SCARF2: variants seen among roughly 807,000 people sequenced by gnomAD.
SCARF2 encodes the protein scavenger receptor class F member 2.
SCARF2 carries 39 observed loss-of-function variants against 73.4 expected under a neutral mutation model. The ratio of observed to expected loss-of-function variants is 0.53; its 90% CI spans 0.41 to 0.69. SCARF2 has a LOEUF of 0.69. SCARF2 is among the 30% of genes least tolerant of loss of function. The probability of loss-of-function intolerance (pLI) is 0.00; values close to 1 mark genes in which losing one functional copy is unlikely to be tolerated. For synonymous variants in SCARF2, 605 were observed against 590.0 expected, an observed-to-expected ratio of 1.03 and a Z score of -0.37; for missense variants, 1,148 against 1,303.5, an observed-to-expected ratio of 0.88 and a Z score of 1.84.
rs1451959094 is a variant in SCARF2 at position 20,430,360 on chromosome 22, C to G, written c.1202+69G>C. 2.6e-6 allele frequency: 4 copies of G among 1,524,906 alleles called. No individual in the cohort carries two copies. In the African/African-American group the frequency reaches 5.5e-5, roughly 21 times the overall value. The allele number at this position is 1,524,906 out of a possible 1,614,324, so 94.5% of individuals were successfully genotyped here. A position where few individuals can be genotyped will look rare whatever the true frequency, so the allele number is the denominator to read the frequency against. On this transcript the variant is annotated intron_variant, in intron 6 of 10. Coordinates refer to ENST00000622235, the MANE Select transcript of SCARF2 (RefSeq NM_182895.5). ...ACCCAGCTCAGGGTGGAGAGGCCAC[C>G]TCGTCGGCTGGACCCCCCTCTGTGG...
rs2052615314 is a variant in SCARF2 at position 20,429,356 on chromosome 22, C to T, written c.1425-16G>A. ...CGAAAGCTCCCTGCGGGGGCGGGGTCTGAGCGGAGGGGCGGGGCCGGGGCG... is the reference window on the plus strand; with the variant it reads ...CGAAAGCTCCCTGCGGGGGCGGGGTTTGAGCGGAGGGGCGGGGCCGGGGCG... On this transcript the variant is annotated splice_polypyrimidine_tract_variant and intron_variant, in intron 8 of 10. Transcript: ENST00000622235. The surrounding 1 kb of genome is among the most constrained non-coding windows in gnomAD (Gnocchi z 5.2). 3.9e-6 allele frequency: 5 copies of T among 1,290,292 alleles called. No homozygotes were observed. In the East Asian group the frequency reaches 1.5e-4, roughly 37 times the overall value. 79.9% of individuals were successfully genotyped at this position (1,290,292 alleles called of 1,614,324 possible).
rs1050972237 is a variant in SCARF2, at chr22:20,428,956, C to T, written c.1540+269G>A. On this transcript the variant is annotated intron_variant, in intron 9 of 10. Transcript: ENST00000622235. ...TGCGGGACCCAGATGTCCACACACC[C>T]CTGATGCGATCACTCTCAGGGCCAA... 2.6e-5 allele frequency among the ~76,000 whole-genome samples: 4 copies of T among 152,132 alleles called. 1 individual carries two copies. The highest frequency in any genetic ancestry group is 2.0e-4 in the Admixed American group (3 of 15,280).
intron 1 of SCARF2, among the ~76,000 whole-genome samples, 193 bp from the exon 2 acceptor site, chr22:20,432,181 G>T (rs1708892560): frequency 6.6e-6 from 1 of 152,094 alleles, no homozygotes; most frequent in African/African-American, 2.4e-5. Context: ...TCACCGCCAA[G>T]AACTTTCCAG....
intron 10 of SCARF2, among the ~76,000 whole-genome samples, chr22:20,426,919 T>TC (rs1424234269): frequency 6.9e-6 from 1 of 144,402 alleles, no homozygotes; most frequent in East Asian, 2.0e-4. Context: ...AGAGGCAGAC[T>TC]CCGTCTCAAA....
chr22:20,431,838 C>A lies in SCARF2; in HGVS notation c.241G>T (p.Glu81Ter). The change falls in exon 3 of 11, where the codon GAA becomes TAA. Residue 81 changes from glutamate to a stop codon, truncating the protein, a stop_gained. Coordinates refer to ENST00000622235, the MANE Select transcript of SCARF2 (RefSeq NM_182895.5). LOFTEE classifies it high-confidence loss of function. The stretch of plus-strand genomic sequence containing the variant: ...TTCTCTGAGCACGTGGAGTTGCCTT[C>A]GCACACCGCTGTGGACGAGACAGGC... Reference protein sequence around the residue: ...QGDECGIAVCEGNSTCSENEV... With the variant: ...QGDECGIAVC The A allele has an allele frequency of 6.3e-7, 1 of 1,598,200 alleles. No individual in the cohort carries two copies. Among genetic ancestry groups the A allele is most frequent in the Non-Finnish European group, 8.5e-7 (1 of 1,173,494 alleles).
chr22:20,433,278 C>T (rs1601303688), intron 1 of SCARF2, among the ~76,000 whole-genome samples: 1 of 152,154 alleles, frequency 6.6e-6, no homozygotes, highest in Non-Finnish European at 1.5e-5. Flanking sequence ...CCTAGGTTCC[C>T]AGCCGACCCA....
rs1423163365 is a variant in SCARF2, at chr22:20,426,147, C to A, written c.1829G>T (p.Arg610Leu). 1.4e-6 allele frequency: 2 copies of A among 1,468,876 alleles called. No homozygotes were observed. The highest frequency in any genetic ancestry group is 1.8e-6 in the Non-Finnish European group (2 of 1,116,826). The allele number at this position is 1,468,876 out of a possible 1,614,324, so 91.0% of individuals were successfully genotyped here. The change falls in exon 11 of 11, where the codon CGG becomes CTG. Residue 610 changes from arginine (R) to leucine (L), a missense_variant. Around this residue, in one of 5 missense-constraint regions of SCARF2, gnomAD observed 437 missense variants for 433.6 expected, o/e 1.01. Coordinates refer to ENST00000622235, the MANE Select transcript of SCARF2 (RefSeq NM_182895.5). ...GGGCCCCTCCACGCTGGACGCCGAC[C>A]GCTCGCTGTCGGAGGACGCGGGGAG... ...IPLPASSDSE[R>L]SASSVEGPGG... is the part of the protein sequence containing the mutation.
In SCARF2 at chr22:20,425,901, G is replaced by T; in HGVS notation, c.2075C>A (p.Pro692His). Residue 692 changes from proline (P) to histidine (H), a missense_variant, in exon 11 of 11, where the codon CCC becomes CAC. Pro to His is a moderately conservative substitution (Grantham distance 77, BLOSUM62 -2). This residue lies in a region of SCARF2 where 437 missense variants were observed against 433.6 expected (regional missense o/e 1.01). Coordinates refer to ENST00000622235, the MANE Select transcript of SCARF2 (RefSeq NM_182895.5). The surrounding 1 kb of genome is among the most constrained non-coding windows in gnomAD (Gnocchi z 4.6). The stretch of plus-strand genomic sequence containing the variant: ...CGTCCGTTTCCTCTTGCTGGGGCTG[G>T]GCGCGGCCTCGGAGCCTGGCGGCGG... ...SPPPPGSEAA[P>H]SPSKRKRTPS... 6.3e-7 allele frequency: 1 copy of T among 1,598,638 alleles called. No individual in the cohort carries two copies.
In SCARF2 at chr22:20,429,697, C is replaced by A; in HGVS notation, c.1306+33G>T. On this transcript the variant is annotated intron_variant, in intron 7 of 10. Transcript: ENST00000622235. This position sits in a 1 kb window ranked among gnomAD's most constrained non-coding sequence, Gnocchi z 5.2. ...TCAGCGCGGTTTCTGGCACCCCCTG[C>A]ATTCCTTAACGGGACGCCCCTCATC... 6.2e-7 allele frequency: 1 copy of A among 1,614,024 alleles called. No homozygotes were observed. Among genetic ancestry groups the A allele is most frequent in the Non-Finnish European group, 8.5e-7 (1 of 1,179,952 alleles).
rs755995462 is a variant in SCARF2, at chr22:20,437,643, G to C, written c.112C>G (p.Pro38Ala). The C allele has an allele frequency of 4.5e-6, 7 of 1,556,630 alleles. No individual in the cohort carries two copies. Among genetic ancestry groups the C allele is most frequent in the Middle Eastern group, 2.0e-4 (1 of 5,118 alleles). Residue 38 changes from proline to alanine, a missense_variant, in exon 1 of 11, where the codon CCG (proline) becomes GCG (alanine). Physicochemically the swap from Pro to Ala is conservative, Grantham distance 27 (BLOSUM62 -1). Around this residue, in one of 5 missense-constraint regions of SCARF2, gnomAD observed 124 missense variants for 120.4 expected, o/e 1.03. Coordinates refer to ENST00000622235, the MANE Select transcript of SCARF2 (RefSeq NM_182895.5). ...AGTTCCTGAGGCGCCACGGTGTCCG[G>C]CAGCATCCAGAGCAGCAGCAGCAGC... ...LLLLLLLWML[P>A]DTVAPQELNP...
In SCARF2 at chr22:20,425,135, G is replaced by C. The variant is rs1017750575; in HGVS notation, c.*240C>G. 2.8e-4 allele frequency: 111 copies of C among 393,878 alleles called. No homozygotes were observed. The highest frequency in any genetic ancestry group is 1.3e-3 in the Middle Eastern group (2 of 1,552). 24.4% of individuals were successfully genotyped at this position (393,878 alleles called of 1,614,324 possible). A position where few individuals can be genotyped will look rare whatever the true frequency, so the allele number is the denominator to read the frequency against. On this transcript the variant is annotated 3_prime_UTR_variant, in exon 11 of 11. Transcript: ENST00000622235. This position sits in a 1 kb window ranked among gnomAD's most constrained non-coding sequence, Gnocchi z 4.6. ...GAGCGCTCCATAACTCGGCCAATGG[G>C]GAGGGAGTCGCCCGCTAAGCGCCTG...
Position 20,425,917 on chromosome 22 carries a change from C to G in SCARF2, c.2059G>C (p.Gly687Arg). The G allele has an allele frequency of 1.9e-6, 3 of 1,597,960 alleles. No homozygotes were observed. The highest frequency in any genetic ancestry group is 2.6e-6 in the Non-Finnish European group (3 of 1,175,454). Reference sequence around the variant, plus strand: ...CTGGGGCTGGGCGCGGCCTCGGAGCCTGGCGGCGGTGGTGAGGGCGCACGG... The same window carrying G: ...CTGGGGCTGGGCGCGGCCTCGGAGCGTGGCGGCGGTGGTGAGGGCGCACGG... The part of the protein sequence containing the change: ...AGRAPSPPPP[G>R]SEAAPSPSKR... Residue 687 changes from glycine (G) to arginine (R), a missense_variant, in exon 11 of 11, where the codon GGC becomes CGC. By Grantham distance (125) the Gly-to-Arg change is moderately radical. Transcript: ENST00000622235. This position sits in a 1 kb window ranked among gnomAD's most constrained non-coding sequence, Gnocchi z 4.6.
At position 20,429,489 on chromosome 22, in the gene SCARF2, G is replaced by A; in HGVS notation, c.1424+47C>T. The A allele has an allele frequency of 6.2e-7, 1 of 1,605,476 alleles. No homozygotes were observed. The highest frequency in any genetic ancestry group is 8.5e-7 in the Non-Finnish European group (1 of 1,177,380). Reference sequence around the variant, plus strand: ...GGATCTGGGTCCGGTGGCACCCAGAGGGTGCGGCCTGAACCCAGGCGAAAG... The same window carrying A: ...GGATCTGGGTCCGGTGGCACCCAGAAGGTGCGGCCTGAACCCAGGCGAAAG... On this transcript the variant is annotated intron_variant, in intron 8 of 10. Transcript: ENST00000622235. The surrounding 1 kb of genome is among the most constrained non-coding windows in gnomAD (Gnocchi z 5.2).
rs1390037708 is a variant in SCARF2, at chr22:20,426,044, C to A, written c.1932G>T (p.Ser644=). 1 of 1,575,366 alleles carries A rather than the reference C, an allele frequency of 6.3e-7. No homozygotes were observed. Among genetic ancestry groups the A allele is most frequent in the Non-Finnish European group, 8.6e-7 (1 of 1,169,400 alleles). ...ARARGEIGGL[S]LSPSPERRKP... The stretch of plus-strand genomic sequence containing the variant: ...TCCTGCGCTCGGGCGATGGCGACAG[C>A]GACAGGCCCCCAATCTCGCCCCGGG... Residue 644 remains serine, a synonymous_variant, in exon 11 of 11, where the codon TCG becomes TCT. Transcript: ENST00000622235.
chr22:20,431,889 G>GCCCCCCC, intron 2 of SCARF2, 41 bp downstream of exon 2: 5 of 1,566,336 alleles, frequency 3.2e-6, no homozygotes, highest in South Asian at 2.3e-5. Context: ...TCCTAGCCCC[G>GCCCCCCC]CCCCCTCCCC....
At position 20,437,699 on chromosome 22, in the gene SCARF2, C is replaced by A. The variant is rs1258074809; in HGVS notation, c.56G>T (p.Gly19Val). Residue 19 changes from glycine to valine, a missense_variant, in exon 1 of 11, where the codon GGG (glycine) becomes GTG (valine). Around this residue, in one of 5 missense-constraint regions of SCARF2, gnomAD observed 124 missense variants for 120.4 expected, o/e 1.03. Transcript: ENST00000622235. Reference sequence around the variant, plus strand: ...CGACGGCAGCAGCGGTGACGGCGGCCCCCCGGCTCCCCGGCGCCGCGCCGG... The same window carrying A: ...CGACGGCAGCAGCGGTGACGGCGGCACCCCGGCTCCCCGGCGCCGCGCCGG... ...AGPARRRGAG[G>V]PPSPLLPSLL... 1.0e-5 allele frequency: 15 copies of A among 1,455,800 alleles called. No individual in the cohort carries two copies. Among genetic ancestry groups the A allele is most frequent in the Non-Finnish European group, 1.4e-5 (15 of 1,108,608 alleles). The allele number at this position is 1,455,800 out of a possible 1,614,324, so 90.2% of individuals were successfully genotyped here. A position where few individuals can be genotyped will look rare whatever the true frequency, so the allele number is the denominator to read the frequency against.
In SCARF2 at chr22:20,426,374, C is replaced by T. The variant is rs567319271; in HGVS notation, c.1694-92G>A. 3.6e-6 allele frequency: 5 copies of T among 1,404,496 alleles called. No individual in the cohort carries two copies. The South Asian group carries it at 5.2e-5, about 15-fold the overall frequency. 87.0% of individuals were successfully genotyped at this position (1,404,496 alleles called of 1,614,324 possible). A position where few individuals can be genotyped will look rare whatever the true frequency, so the allele number is the denominator to read the frequency against. On this transcript the variant is annotated intron_variant, in intron 10 of 10. Coordinates refer to ENST00000622235, the MANE Select transcript of SCARF2 (RefSeq NM_182895.5). ...GCAAACCTTCACCTTTCCTCCTCTA[C>T]CCACGCCCTTGGCACTGTGTCACCC...
chr22:20,430,392 C>A, intron 6 of SCARF2, 37 bp downstream of exon 6: 1 of 1,571,676 alleles, frequency 6.4e-7, no homozygotes, highest in Non-Finnish European at 8.6e-7. Flanking sequence ...GTGGCAGGTA[C>A]AAGCCCCCAA....
intron 1 of SCARF2, 81 bp downstream of exon 1, chr22:20,437,501 C>A (rs2052713565): frequency 7.1e-7 from 1 of 1,415,244 alleles, no homozygotes; most frequent in East Asian, 2.7e-5. Context: ...GTTCCGGTAG[C>A]CCCCTCCCAA....
Sources: gnomAD v4.1 joint callset for allele counts (sites outside exome capture counted in the v4.1 genomes callset) on GRCh38, gnomAD v4.1.1 for gene constraint, gnomAD v4.1.1 regional missense constraint, Gnocchi (gnomAD v3.1) non-coding constraint, MANE v1.5 for transcripts, NCBI Gene and HGNC (gene_info 2026-07-23, HGNC 2026-07-21) for gene names.